GTF3C1: variants seen among roughly 807,000 people sequenced by gnomAD.
GTF3C1 encodes the protein general transcription factor IIIC subunit 1, also known as general transcription factor 3C polypeptide 1.
Under a neutral mutation model 226.7 loss-of-function variants are expected in GTF3C1, and 57 were observed. The ratio of observed to expected loss-of-function variants is 0.25; its 90% CI spans 0.20 to 0.31. The LOEUF (loss-of-function observed/expected upper bound fraction) is 0.31. Ranked by LOEUF, GTF3C1 falls within the 10% of genes least tolerant of loss-of-function variation. GTF3C1 has a pLI of 1.00. For synonymous variants in GTF3C1, 1,090 were observed against 1,084.8 expected, an observed-to-expected ratio of 1.00 and a Z score of -0.09; for missense variants, 2,217 against 2,776.1, an observed-to-expected ratio of 0.80 and a Z score of 4.53.
chr16:27,482,956 G>A (rs949381795), intron 26 of GTF3C1, 88 bp downstream of exon 26: 1 of 1,079,194 alleles, frequency 9.3e-7, no homozygotes, highest in Non-Finnish European at 1.4e-6. Context: ...AAGGCTGGCA[G>A]GGGCACTGTG....
At chr16:27,466,257 C>T (rs1794676014) in intron 32 of GTF3C1, 1 of 152,188 alleles carries the variant, frequency 6.6e-6, no homozygotes, top group Non-Finnish European at 1.5e-5. Flanking sequence ...TTCACAACAC[C>T]GTGTGCTCGA....
chr16:27,520,100 G>C (rs1411352882), intron 6 of GTF3C1, among the ~76,000 whole-genome samples: 2 of 152,158 alleles, frequency 1.3e-5, no homozygotes, highest in African/African-American at 4.8e-5. Flanking sequence ...GTGAGACAGA[G>C]TGAGACCTTG....
At position 27,513,297 on chromosome 16, in the gene GTF3C1, G is replaced by T. The variant is rs369371335; in HGVS notation, c.974-1396C>A. On this transcript the variant is annotated intron_variant, in intron 6 of 36. Transcript: ENST00000356183. ...AGCAAGACCCAACTCTACAAAAAATGTTTAAAATCGGCCAGGTGTGGTAAC... is the reference window on the plus strand; with the variant it reads ...AGCAAGACCCAACTCTACAAAAAATTTTTAAAATCGGCCAGGTGTGGTAAC... 3.2e-4 allele frequency among the ~76,000 whole-genome samples: 48 copies of T among 152,188 alleles called. 1 individual carries two copies. The highest frequency in any genetic ancestry group is 8.7e-4 in the African/African-American group (36 of 41,528).
chr16:27,495,860 G>A (rs2088308047), intron 14 of GTF3C1, among the ~76,000 whole-genome samples: 1 of 152,224 alleles, frequency 6.6e-6, no homozygotes, highest in African/African-American at 2.4e-5. Context: ...TGAGGTGGGG[G>A]TGTGCCCCGC....
At chr16:27,531,732 GCCC>G (rs1377108751) in intron 5 of GTF3C1, among the ~76,000 whole-genome samples, 1 of 152,190 alleles carries the variant, frequency 6.6e-6, no homozygotes, top group Non-Finnish European at 1.5e-5. Flanking sequence ...CTGTCTCCCT[GCCC>G]CCGAGTGACT....
At position 27,489,691 on chromosome 16, in the gene GTF3C1, G is replaced by A. The variant is rs139748177; in HGVS notation, c.3204C>T (p.Ser1068=). The A allele has an allele frequency of 2.2e-5, 35 of 1,611,552 alleles. No homozygotes were observed. The highest frequency in any genetic ancestry group is 2.6e-5 in the Non-Finnish European group (31 of 1,179,536). The change falls in exon 20 of 37, where the codon AGC becomes AGT. Residue 1068 remains serine, a synonymous_variant. Transcript: ENST00000356183. ...VRKNSSTDQG[S]DEEGSLQKEQ... ...CCTTCTGCAGGCTGCCCTCCTCGTC[G>A]CTGCCCTGGTCTGTGCTGCTGTTCT...
chr16:27,528,084 G>A (rs2088860309), intron 6 of GTF3C1, among the ~76,000 whole-genome samples: 1 of 152,122 alleles, frequency 6.6e-6, no homozygotes, highest in Non-Finnish European at 1.5e-5. Context: ...GACCAGCCTG[G>A]CCAGCATGGC....
intron 8 of GTF3C1, 140 bp downstream of exon 8, chr16:27,508,400 G>A (rs1208864374): frequency 6.3e-6 from 4 of 633,256 alleles, no homozygotes; most frequent in Non-Finnish European, 8.6e-6. Flanking sequence ...GCTATGGACT[G>A]CACTCAGCCC....
chr16:27,495,030 T>C (rs1596632882), intron 15 of GTF3C1, 122 bp from the exon 16 acceptor site: 1 of 932,528 alleles, frequency 1.1e-6, no homozygotes, highest in East Asian at 2.5e-5. Context: ...AAAACTCTAC[T>C]TGTCAGGCAG....
Position 27,461,737 on chromosome 16 carries a change from C to T in GTF3C1, c.6118-175G>A. On this transcript the variant is annotated intron_variant, in intron 36 of 36. Coordinates refer to ENST00000356183, the MANE Select transcript of GTF3C1 (RefSeq NM_001520.4). The surrounding 1 kb of genome is among the most constrained non-coding windows in gnomAD (Gnocchi z 5.3). Reference sequence around the variant, plus strand: ...TGTACCAGGAGGGTTCAGGCAAAGGCCCTGGTGGGAGAGGCAGCTGCCTGA... The same window carrying T: ...TGTACCAGGAGGGTTCAGGCAAAGGTCCTGGTGGGAGAGGCAGCTGCCTGA... 3.3e-6 allele frequency: 2 copies of T among 605,636 alleles called. No individual in the cohort carries two copies. Among genetic ancestry groups the T allele is most frequent in the Non-Finnish European group, 5.9e-6 (2 of 340,122 alleles). The allele number at this position is 605,636 out of a possible 1,614,324, so 37.5% of individuals were successfully genotyped here.
chr16:27,522,699 CCTT>C (rs778962368), intron 6 of GTF3C1, among the ~76,000 whole-genome samples: 22 of 152,306 alleles, frequency 1.4e-4, no homozygotes, highest in Admixed American at 1.3e-4. Context: ...GGGAGTATCA[CCTT>C]CTTAATACTG....
intron 5 of GTF3C1, among the ~76,000 whole-genome samples, chr16:27,530,323 C>CT (rs1158751074): frequency 1.1e-4 from 17 of 152,278 alleles, no homozygotes; most frequent in African/African-American, 4.1e-4. Flanking sequence ...CCCCCAGCAT[C>CT]ATAAAAAGAC....
rs1375144409 is a variant in GTF3C1, at chr16:27,508,761, AAC to A, written c.1127-108_1127-107del. On this transcript the variant is annotated intron_variant, in intron 7 of 36. Transcript: ENST00000356183. ...GCAGACATTTTGATGCTGTGAAATT[AAC>A]AGACAGAACAAAACATACGCCATTT... 3.2e-5 allele frequency: 24 copies of A among 757,724 alleles called. No homozygotes were observed. In the African/African-American group the frequency reaches 3.4e-4, roughly 11 times the overall value. The allele number at this position is 757,724 out of a possible 1,614,324, so 46.9% of individuals were successfully genotyped here. A position where few individuals can be genotyped will look rare whatever the true frequency, so the allele number is the denominator to read the frequency against.
intron 27 of GTF3C1, among the ~76,000 whole-genome samples, chr16:27,480,507 T>C (rs1248256598): frequency 6.6e-6 from 1 of 152,184 alleles, no homozygotes; most frequent in African/African-American, 2.4e-5. Flanking sequence ...TGCTGTACAG[T>C]TCACAGGCAG....
chr16:27,546,485 T>TTTA (rs1555505898), intron 1 of GTF3C1, among the ~76,000 whole-genome samples: 41 of 88,554 alleles, frequency 4.6e-4, no homozygotes, highest in African/African-American at 8.4e-4. Context: ...TTTTTTTTTT[T>TTTA]GAAAAAAAAA....
intron 27 of GTF3C1, among the ~76,000 whole-genome samples, chr16:27,479,035 A>G (rs779362389): frequency 8.5e-5 from 13 of 152,220 alleles, no homozygotes; most frequent in Non-Finnish European, 1.6e-4. Context: ...AAAAGTTTTC[A>G]TGATTTAAAA....
At chr16:27,503,854 G>C (rs2088444695) in intron 10 of GTF3C1, among the ~76,000 whole-genome samples, 1 of 152,278 alleles carries the variant, frequency 6.6e-6, no homozygotes, top group South Asian at 2.1e-4. Flanking sequence ...GCTGGGAGTA[G>C]CACTTTCAGG....
At chr16:27,539,059 A>G (rs1324463151) in intron 2 of GTF3C1, among the ~76,000 whole-genome samples, 2 of 140,450 alleles carry the variant, frequency 1.4e-5, no homozygotes, top group African/African-American at 5.4e-5. Context: ...TCATTCAAAT[A>G]TAAGAGCAGG....
Position 27,506,096 on chromosome 16 carries a change from G to A in GTF3C1, c.1573C>T (p.Leu525=). 2 of 1,609,804 alleles carry A rather than the reference G, an allele frequency of 1.2e-6. No individual in the cohort carries two copies. Among genetic ancestry groups the A allele is most frequent in the Non-Finnish European group, 1.7e-6 (2 of 1,176,080 alleles). ...GGCGGCTGCTTTTTCAATGGGTGTA[G>A]GTTTACAACTTTCCACCCACCTGTG... The part of the protein sequence containing the change: ...PTKGGWKVVN[L]HPLKKQPPSF... Residue 525 remains leucine, a synonymous_variant, in exon 10 of 37, where the codon CTA becomes TTA. Transcript: ENST00000356183.
Sources: allele counts gnomAD v4.1 joint callset (sites outside exome capture counted in the v4.1 genomes callset), GRCh38; gene constraint gnomAD v4.1.1; non-coding constraint Gnocchi (gnomAD v3.1); transcripts MANE v1.5; gene names NCBI Gene and HGNC (gene_info 2026-07-23, HGNC 2026-07-21).